Variants in RASSF8 observed in about 807,000 individuals in gnomAD.
The protein encoded by RASSF8 is ras association domain-containing protein 8.
In RASSF8, 22 loss-of-function variants were observed where a neutral mutation model predicts 48.5. The observed-to-expected ratio is 0.45, with a 90% CI of 0.32 to 0.65. The LOEUF (loss-of-function observed/expected upper bound fraction) is 0.65. Among genes scored for constraint, RASSF8 ranks in the 30% least tolerant of loss-of-function variants. RASSF8 has a pLI of 0.03. For missense variants in RASSF8, 418 were observed against 489.2 expected (o/e 0.85, Z 1.37); for synonymous variants, 127 against 171.5 (o/e 0.74, Z 2.03).
rs527985526 is a variant in RASSF8, at chr12:26,054,699, GA to G, written c.-108-530del. Among the ~76,000 whole-genome samples the G allele has an allele frequency of 2.2e-4, 34 of 151,918 alleles. No individual in the cohort carries two copies. The East Asian group carries it at 2.3e-3, about 10-fold the overall frequency. On this transcript the variant is annotated intron_variant, in intron 2 of 5. Coordinates refer to ENST00000689635, the MANE Select transcript of RASSF8 (RefSeq NM_001394098.1). ...GAGAAGAGAGAATGAAATAATAAGG[GA>G]AAAAAATATTAGGAAGGCAGACAGG...
At chr12:26,031,732 G>C (rs767175343) in intron 2 of RASSF8, among the ~76,000 whole-genome samples, 3 of 152,202 alleles carry the variant, frequency 2.0e-5, no homozygotes, top group Non-Finnish European at 4.4e-5. Context: ...CGGGATCAGA[G>C]TGGGAATGGG....
intron 2 of RASSF8, among the ~76,000 whole-genome samples, chr12:26,012,499 A>G (rs1942550275): frequency 6.6e-6 from 1 of 152,178 alleles, no homozygotes; most frequent in Non-Finnish European, 1.5e-5. Context: ...AGGAATAGAC[A>G]TCATCTCCTC....
chr12:26,061,670 T>G (rs1368100822), intron 3 of RASSF8, among the ~76,000 whole-genome samples: 2 of 152,160 alleles, frequency 1.3e-5, no homozygotes, highest in Admixed American at 6.5e-5. Context: ...AAAGGAGTTT[T>G]GCAGGAGGAA....
chr12:26,022,035 G>A (rs1942798453), intron 2 of RASSF8, among the ~76,000 whole-genome samples: 1 of 152,128 alleles, frequency 6.6e-6, no homozygotes, highest in African/African-American at 2.4e-5. Flanking sequence ...CCCTCTTGAG[G>A]GGTCAGATCA....
At chr12:26,005,588 T>C (rs1407921849) in intron 2 of RASSF8, among the ~76,000 whole-genome samples, 8 of 152,236 alleles carry the variant, frequency 5.3e-5, no homozygotes. Flanking sequence ...AAGATAATTT[T>C]GCAAAGGCTA....
intron 2 of RASSF8, among the ~76,000 whole-genome samples, chr12:26,046,596 G>C (rs1943377258): frequency 6.6e-6 from 1 of 152,014 alleles, no homozygotes; most frequent in African/African-American, 2.4e-5. Context: ...CAGCACTTTG[G>C]GAGATCGAGG....
In RASSF8 at chr12:26,064,859, G is replaced by T; in HGVS notation, c.465G>T (p.Val155=). Reference sequence around the variant, plus strand: ...AAGAAACTGAGTTTAAGCAAAAGGTGCTGAATAACTGCAAAACAACAGCAG... The same window carrying T: ...AAGAAACTGAGTTTAAGCAAAAGGTTCTGAATAACTGCAAAACAACAGCAG... The part of the protein sequence containing the change: ...KGKETEFKQK[V]LNNCKTTADE... Residue 155 remains valine, a synonymous_variant, in exon 4 of 6, where the codon GTG becomes GTT. Coordinates refer to ENST00000689635, the MANE Select transcript of RASSF8 (RefSeq NM_001394098.1). 1 of 1,614,208 alleles carries T rather than the reference G, an allele frequency of 6.2e-7. No individual in the cohort carries two copies. Among genetic ancestry groups the T allele is most frequent in the Non-Finnish European group, 8.5e-7 (1 of 1,180,032 alleles).
At chr12:26,049,978 G>A (rs1351207043) in intron 2 of RASSF8, among the ~76,000 whole-genome samples, 2 of 152,080 alleles carry the variant, frequency 1.3e-5, no homozygotes, top group Non-Finnish European at 2.9e-5. Context: ...TAGAGACAGG[G>A]TTTCGTGTGT....
intron 2 of RASSF8, among the ~76,000 whole-genome samples, chr12:26,029,689 C>A (rs1942987884): frequency 6.6e-6 from 1 of 152,066 alleles, no homozygotes; most frequent in Admixed American, 6.6e-5. Context: ...TTCCTTGGCA[C>A]TCTTTTGTTA....
At chr12:25,960,140 T>C (rs1009460517) in intron 1 of RASSF8, among the ~76,000 whole-genome samples, 2 of 152,176 alleles carry the variant, frequency 1.3e-5, no homozygotes, top group East Asian at 3.8e-4. Context: ...TAGATCTGCT[T>C]TGTCCCCAGG....
At chr12:26,055,986 G>C (rs1424861114) in intron 3 of RASSF8, among the ~76,000 whole-genome samples, 1 of 152,176 alleles carries the variant, frequency 6.6e-6, no homozygotes, top group African/African-American at 2.4e-5. Context: ...AGGAGTTCGA[G>C]ACCAGCCTGG....
At chr12:26,074,974 A>C (rs942507370), downstream of RASSF8, among the ~76,000 whole-genome samples, 5 of 152,184 alleles carry the variant, frequency 3.3e-5, no homozygotes, top group Admixed American at 3.3e-4. Context: ...CATGTTAGGA[A>C]GATAATTCTG....
At chr12:25,990,645 G>A (rs915819594) in intron 1 of RASSF8, among the ~76,000 whole-genome samples, 10 of 152,054 alleles carry the variant, frequency 6.6e-5, no homozygotes, top group Non-Finnish European at 1.2e-4. Flanking sequence ...TGTGTATTGC[G>A]TTTAGCAAAA....
At position 25,959,018 on chromosome 12, in the gene RASSF8, CG is replaced by C. The variant is rs1323515043; in HGVS notation, c.-329del. The C allele has an allele frequency of 3.5e-5, 5 of 142,858 alleles. No individual in the cohort carries two copies. The highest frequency in any genetic ancestry group is 4.5e-4 in the South Asian group (2 of 4,408). The allele number at this position is 142,858 out of a possible 1,614,324, so 8.8% of individuals were successfully genotyped here. On this transcript the variant is annotated 5_prime_UTR_variant, in exon 1 of 6. Transcript: ENST00000689635. ...GCGGGGCGCGCGGCGCGGGGAGCGC[CG>C]GGGAGTGCCGGGGAGTGCGGCGCGG... is the stretch of plus-strand genomic sequence containing the variant.
rs919225297 is a variant in RASSF8, at chr12:26,079,056, C to G, written c.1162C>G (p.Gln388Glu). ...AGGGATCATCATTCTTTCTGATAAG[C>G]AGGAGTGTAAAGATTAGATATCACA... The change falls in exon 6 of 6, where the codon CAG becomes GAG. Residue 388 changes from glutamine to glutamate, a missense_variant. By Grantham distance (29) the Gln-to-Glu change is conservative. Transcript: ENST00000381352. 12 of 1,546,216 alleles carry G rather than the reference C, an allele frequency of 7.8e-6. No homozygotes were observed. The African/African-American group carries it at 1.2e-4, about 16-fold the overall frequency.
chr12:26,036,660 C>T (rs1480487646), intron 2 of RASSF8, among the ~76,000 whole-genome samples: 2 of 152,058 alleles, frequency 1.3e-5, no homozygotes, highest in Non-Finnish European at 2.9e-5. Flanking sequence ...ATAATCCCAA[C>T]ACTTTGGGAG....
intron 3 of RASSF8, among the ~76,000 whole-genome samples, chr12:26,058,284 A>C (rs1565642049): frequency 6.6e-6 from 1 of 152,220 alleles, no homozygotes; most frequent in Non-Finnish European, 1.5e-5. Context: ...CAAGTAGCCG[A>C]GAGCTGTGGA....
intron 1 of RASSF8, among the ~76,000 whole-genome samples, chr12:25,990,823 T>C (rs1941997366): frequency 6.6e-6 from 1 of 152,222 alleles, no homozygotes; most frequent in Non-Finnish European, 1.5e-5. Flanking sequence ...CTTATGAAAA[T>C]GTGCTACCAT....
chr12:25,981,063 C>T (rs535799172), intron 1 of RASSF8, among the ~76,000 whole-genome samples: 6 of 152,034 alleles, frequency 3.9e-5, no homozygotes, highest in Admixed American at 1.3e-4. Flanking sequence ...GGGTCGGATG[C>T]GTCCTGGTTT....
Sources: allele counts gnomAD v4.1 joint callset (sites outside exome capture counted in the v4.1 genomes callset), GRCh38; gene constraint gnomAD v4.1.1; transcripts MANE v1.5; gene names NCBI Gene and HGNC (gene_info 2026-07-23, HGNC 2026-07-21).